Variants in SAMD12 observed in about 807,000 individuals in gnomAD.
The protein encoded by SAMD12 is sterile alpha motif domain containing 12, also known as sterile alpha motif domain-containing protein 12.
A neutral mutation model predicts 15.0 loss-of-function variants in SAMD12; 9 were observed. The ratio of observed to expected loss-of-function variants is 0.60; its 90% confidence interval spans 0.36 to 1.05. SAMD12 has a LOEUF of 1.05. Among genes scored for constraint, SAMD12 ranks in the 50% least tolerant of loss-of-function variants. SAMD12 has a pLI of 0.01. For synonymous variants in SAMD12, 86 were observed against 90.1 expected (o/e 0.96, Z 0.25); for missense variants, 230 against 234.2 (o/e 0.98, Z 0.12).
chr8:118,239,146 T>G (rs35343489), intron 4 of SAMD12, among the ~76,000 whole-genome samples: 1 of 152,086 alleles, frequency 6.6e-6, no homozygotes. Flanking sequence ...ATGATAATGG[T>G]AATGGGAATG....
At chr8:118,366,095 CA>C (rs1818753674) in intron 4 of SAMD12, among the ~76,000 whole-genome samples, 1 of 152,166 alleles carries the variant, frequency 6.6e-6, no homozygotes, top group Non-Finnish European at 1.5e-5. Flanking sequence ...AGGCACTCAG[CA>C]AATACACGGT....
the SAMD12 span, among the ~76,000 whole-genome samples, chr8:118,167,271 T>C: frequency 6.6e-6 from 1 of 152,040 alleles, no homozygotes; most frequent in Non-Finnish European, 1.5e-5. Flanking sequence ...TTAGTGGCTT[T>C]TGCATGCTTG....
chr8:118,179,611 C>T, the SAMD12 span, among the ~76,000 whole-genome samples: 1,107 of 152,270 alleles, frequency 7.3e-3, 18 homozygotes, highest in African/African-American at 0.025. Context: ...TCTCTTTCCT[C>T]CTGGCCTCAG....
downstream of SAMD12, among the ~76,000 whole-genome samples, chr8:118,188,602 G>A (rs949306088): frequency 2.6e-5 from 4 of 152,090 alleles, no homozygotes; most frequent in African/African-American, 9.7e-5. Flanking sequence ...TCCTTTCTGG[G>A]AAAGAAGTGT....
intron 4 of SAMD12, among the ~76,000 whole-genome samples, chr8:118,307,926 G>A (rs1358575397): frequency 6.6e-6 from 1 of 152,224 alleles, no homozygotes; most frequent in Non-Finnish European, 1.5e-5. Context: ...CTCCTTCACT[G>A]TAGGTGGCCA....
chr8:118,211,657 G>T (rs1201152842), intron 4 of SAMD12, among the ~76,000 whole-genome samples: 1 of 152,014 alleles, frequency 6.6e-6, no homozygotes, highest in Non-Finnish European at 1.5e-5. Context: ...AAAATTATGA[G>T]GCCCTTATAA....
At chr8:118,269,214 C>T (rs1312043305) in intron 4 of SAMD12, among the ~76,000 whole-genome samples, 1 of 117,994 alleles carries the variant, frequency 8.5e-6, no homozygotes, top group Non-Finnish European at 1.7e-5. Context: ...CTCTCTCTCT[C>T]TCTCTCTGTG....
At chr8:118,317,953 G>A (rs566436014) in intron 4 of SAMD12, among the ~76,000 whole-genome samples, 5 of 152,092 alleles carry the variant, frequency 3.3e-5, no homozygotes, top group African/African-American at 9.6e-5. Flanking sequence ...AAAAAAGTTC[G>A]ACATCACTAA....
chr8:118,148,052 G>A, the SAMD12 span, among the ~76,000 whole-genome samples: 20 of 149,772 alleles, frequency 1.3e-4, no homozygotes, highest in South Asian at 2.2e-3. Flanking sequence ...CTCAGCCTCC[G>A]GAATAGCTGG....
chr8:118,269,544 G>C (rs1433547889), intron 4 of SAMD12, among the ~76,000 whole-genome samples: 1 of 152,028 alleles, frequency 6.6e-6, no homozygotes, highest in African/African-American at 2.4e-5. Context: ...GGCTTCCATA[G>C]AGCATTGCCT....
At chr8:118,152,621 C>T in the SAMD12 span, among the ~76,000 whole-genome samples, 1 of 152,070 alleles carries the variant, frequency 6.6e-6, no homozygotes, top group Non-Finnish European at 1.5e-5. Flanking sequence ...GCCTCAGCCT[C>T]CTGAGTAGCT....
chr8:118,336,187 A>G (rs1817050338), intron 4 of SAMD12, among the ~76,000 whole-genome samples: 1 of 152,202 alleles, frequency 6.6e-6, no homozygotes, highest in Non-Finnish European at 1.5e-5. Flanking sequence ...AGCTCTGACT[A>G]ACTCTAAAAC....
At position 118,360,769 on chromosome 8, in the gene SAMD12, C is replaced by A. The variant is rs371908635; in HGVS notation, c.433+18791G>T. Among the ~76,000 whole-genome samples the A allele has an allele frequency of 1.4e-4, 21 of 152,330 alleles. No individual in the cohort carries two copies. The East Asian group carries it at 3.7e-3, about 27-fold the overall frequency. On this transcript the variant is annotated intron_variant, in intron 4 of 4. Coordinates refer to the SAMD12 transcript ENST00000409003. The stretch of plus-strand genomic sequence containing the variant: ...GCTAGGGAGGCATCAGTGCCAGTTT[C>A]TACCATTCCAGTAAGAATTTCTTTA...
chr8:118,522,558 C>T (rs750220802), intron 2 of SAMD12, among the ~76,000 whole-genome samples: 28 of 152,150 alleles, frequency 1.8e-4, no homozygotes, highest in Non-Finnish European at 2.4e-4. Context: ...AGGAAAGAGA[C>T]ACTGTTTCCA....
In SAMD12 at chr8:118,328,423, G is replaced by A. The variant is rs540779232; in HGVS notation, c.433+51137C>T. 7.9e-5 allele frequency among the ~76,000 whole-genome samples: 12 copies of A among 152,088 alleles called. No homozygotes were observed. In the South Asian group the frequency reaches 1.5e-3, roughly 18 times the overall value. ...CATTAATAAATCCTTTCCATAACCC[G>A]GTAATCTAGGTTCCCCCCTTATGTA... On this transcript the variant is annotated intron_variant, in intron 4 of 4. Transcript: ENST00000409003.
chr8:118,491,853 T>C (rs778008680), intron 2 of SAMD12, among the ~76,000 whole-genome samples: 3 of 152,196 alleles, frequency 2.0e-5, no homozygotes, highest in Non-Finnish European at 4.4e-5. Flanking sequence ...CTCTTATTGA[T>C]AGATATGAAT....
At chr8:118,500,067 C>CTTA (rs1824738421) in intron 2 of SAMD12, among the ~76,000 whole-genome samples, 1 of 72,572 alleles carries the variant, frequency 1.4e-5, no homozygotes, top group Non-Finnish European at 2.4e-5. Context: ...TGAGTTTTGC[C>CTTA]TTTTTTTTTT....
intron 1 of SAMD12, among the ~76,000 whole-genome samples, chr8:118,589,058 C>A (rs897919041): frequency 6.6e-6 from 1 of 152,116 alleles, no homozygotes; most frequent in Non-Finnish European, 1.5e-5. Flanking sequence ...ACATGTCCAC[C>A]CCCAGCAAGT....
intron 4 of SAMD12, among the ~76,000 whole-genome samples, chr8:118,223,873 G>A (rs1812132412): frequency 6.6e-6 from 1 of 152,156 alleles, no homozygotes; most frequent in Non-Finnish European, 1.5e-5. Flanking sequence ...GTCATCTTTA[G>A]TGAATCACCA....
Sources: gnomAD v4.1 joint callset for allele counts (sites outside exome capture counted in the v4.1 genomes callset) on GRCh38, gnomAD v4.1.1 for gene constraint, MANE v1.5 for transcripts, NCBI Gene and HGNC (gene_info 2026-07-23, HGNC 2026-07-21) for gene names.